Variants in STK11 observed in about 807,000 individuals in gnomAD.
The protein encoded by STK11 is serine/threonine-protein kinase STK11.
Under a neutral mutation model 47.3 loss-of-function variants are expected in STK11, and 8 were observed. The observed-to-expected ratio is 0.17, with a 90% CI of 0.10 to 0.31. STK11 has a LOEUF of 0.31. Among genes scored for constraint, STK11 ranks in the 10% least tolerant of loss-of-function variants. The pLI is 1.00. For synonymous variants in STK11, 330 were observed against 255.8 expected (o/e 1.29, Z -2.77); for missense variants, 475 against 605.0 (o/e 0.79, Z 2.25).
rs1237506971 is a variant in STK11 at position 1,227,797 on chromosome 19, T to C, written c.*221T>C. On this transcript the variant is annotated 3_prime_UTR_variant, in exon 10 of 10. Coordinates refer to ENST00000326873, the MANE Select transcript of STK11 (RefSeq NM_000455.5). Reference sequence around the variant, plus strand: ...CGGCCGCCCGGCAGTGCACGCGGCTTGTTGACTTCGCAGCCCCGGGCGGAG... The same window carrying C: ...CGGCCGCCCGGCAGTGCACGCGGCTCGTTGACTTCGCAGCCCCGGGCGGAG... 2 of 1,072,900 alleles carry C rather than the reference T, an allele frequency of 1.9e-6. No individual in the cohort carries two copies. The highest frequency in any genetic ancestry group is 5.3e-5 in the Admixed American group (1 of 18,778). The allele number at this position is 1,072,900 out of a possible 1,614,324, so 66.5% of individuals were successfully genotyped here.
At position 1,206,913 on chromosome 19, in the gene STK11, C is replaced by G. The variant is rs759284466; in HGVS notation, c.-1C>G. The G allele has an allele frequency of 6.3e-7, 1 of 1,575,206 alleles. No individual in the cohort carries two copies. The highest frequency in any genetic ancestry group is 1.2e-5 in the South Asian group (1 of 86,444). On this transcript the variant is annotated 5_prime_UTR_variant, in exon 1 of 10. Transcript: ENST00000326873. ...CGGGACTCCAGGACCCTGGGTCCAGCATGGAGGTGGTGGACCCGCAGCAGC... is the reference window on the plus strand; with the variant it reads ...CGGGACTCCAGGACCCTGGGTCCAGGATGGAGGTGGTGGACCCGCAGCAGC...
intron 6 of STK11, 127 bp from the exon 7 acceptor site, chr19:1,221,822 C>CG: frequency 9.1e-7 from 1 of 1,093,934 alleles, no homozygotes; most frequent in Non-Finnish European, 1.3e-6. Context: ...CGCCTGTGCG[C>CG]GGGGTCCCCC....
rs907834130 is a variant in STK11, at chr19:1,218,583, CTTCCCGTCTCCTT to C, written c.374+84_374+96del. On this transcript the variant is annotated intron_variant, in intron 2 of 9. Transcript: ENST00000326873. ...TCCGCCTGCCTCGAGGCCTGCTCCT[CTTCCCGTCTCCTT>C]GAAGGAGACTGGCACACGAGGGCCG... 4 of 1,188,890 alleles carry C rather than the reference CTTCCCGTCTCCTT, an allele frequency of 3.4e-6. No individual in the cohort carries two copies. In the African/African-American group the frequency reaches 6.0e-5, roughly 18 times the overall value. 73.6% of individuals were successfully genotyped at this position (1,188,890 alleles called of 1,614,324 possible).
intron 8 of STK11, chr19:1,223,790 T>C: frequency 9.7e-7 from 1 of 1,034,878 alleles, no homozygotes; most frequent in Non-Finnish European, 1.2e-6. Context: ...CGGCCCACAT[T>C]GGCAGCCAGC....
At chr19:1,209,088 T>C (rs541769752) in intron 1 of STK11, among the ~76,000 whole-genome samples, 10 of 151,896 alleles carry the variant, frequency 6.6e-5, no homozygotes, top group Non-Finnish European at 1.2e-4. Context: ...TGGACCCGGG[T>C]AGAAGGTGTG....
intron 1 of STK11, among the ~76,000 whole-genome samples, chr19:1,213,901 C>A (rs1022264903): frequency 6.6e-6 from 1 of 152,232 alleles, no homozygotes; most frequent in Non-Finnish European, 1.5e-5. Flanking sequence ...CCAGGCCCAT[C>A]TCTTCCCTGT....
intron 1 of STK11, among the ~76,000 whole-genome samples, chr19:1,214,209 G>A (rs532216896): frequency 6.6e-6 from 1 of 152,318 alleles, no homozygotes; most frequent in African/African-American, 2.4e-5. Flanking sequence ...GAAGCCTGGC[G>A]ATCTAGAGAA....
chr19:1,208,137 C>T (rs567412425), intron 1 of STK11, among the ~76,000 whole-genome samples: 1 of 152,020 alleles, frequency 6.6e-6, no homozygotes, highest in Non-Finnish European at 1.5e-5. Context: ...GGCTAGGCCT[C>T]GAGGGACTGG....
At chr19:1,217,001 G>A (rs2080749180) in intron 1 of STK11, among the ~76,000 whole-genome samples, 1 of 151,892 alleles carries the variant, frequency 6.6e-6, no homozygotes, top group East Asian at 1.9e-4. Flanking sequence ...CTGTGGAAGG[G>A]CCCCTGGGTG....
intron 1 of STK11, among the ~76,000 whole-genome samples, chr19:1,207,595 C>T (rs1026433374): frequency 3.9e-5 from 6 of 152,192 alleles, no homozygotes; most frequent in African/African-American, 1.4e-4. Flanking sequence ...AGTTTGTGTG[C>T]GGCCGCCAAC....
rs948022241 is a variant in STK11 at position 1,206,795 on chromosome 19, GC to G, written c.-117del. On this transcript the variant is annotated 5_prime_UTR_variant, in exon 1 of 10. Coordinates refer to ENST00000326873, the MANE Select transcript of STK11 (RefSeq NM_000455.5). ...TTCCCTTCCTTTTGGGGTTTTTGTT[GC>G]CTTTTTTTTTTCTTTTTTCTTTGTA... is the stretch of plus-strand genomic sequence containing the variant. 13 of 1,282,312 alleles carry G rather than the reference GC, an allele frequency of 1.0e-5. No individual in the cohort carries two copies. In the South Asian group the frequency reaches 1.7e-4, roughly 17 times the overall value. The allele number at this position is 1,282,312 out of a possible 1,614,324, so 79.4% of individuals were successfully genotyped here. A position where few individuals can be genotyped will look rare whatever the true frequency, so the allele number is the denominator to read the frequency against.
At chr19:1,216,354 G>A (rs1431283004) in intron 1 of STK11, 3 of 172,314 alleles carry the variant, frequency 1.7e-5, no homozygotes, top group Non-Finnish European at 3.8e-5. Context: ...GGCCGGGCGC[G>A]GTGACTCACG....
intron 8 of STK11, 75 bp from the exon 9 acceptor site, chr19:1,226,379 T>C (rs1422653037): frequency 6.4e-7 from 1 of 1,556,732 alleles, no homozygotes; most frequent in Non-Finnish European, 8.7e-7. Flanking sequence ...GTCCCCGTGG[T>C]GGGGGCCAGC....
Position 1,208,400 on chromosome 19 carries a change from C to T in STK11, c.290+1197C>T, listed in dbSNP as rs1978727. Among the ~76,000 whole-genome samples the T allele has an allele frequency of 0.25, 37,148 of 149,850 alleles. 5,690 individuals are homozygous for T. Among genetic ancestry groups the T allele is most frequent in the East Asian group, 0.47 (2,370 of 4,992 alleles). The stretch of plus-strand genomic sequence containing the variant: ...TGGGCTCACTGCAAGCTCCGCCTCC[C>T]GGGTTCATGCCATTCTCCTGCCTCA... On this transcript the variant is annotated intron_variant, in intron 1 of 9. Coordinates refer to ENST00000326873, the MANE Select transcript of STK11 (RefSeq NM_000455.5).
chr19:1,206,553 A>C lies in STK11; in HGVS notation c.-361A>C, dbSNP rs1446936486. On this transcript the variant is annotated 5_prime_UTR_variant, in exon 1 of 10. Transcript: ENST00000326873. ...TGAGGTCCCCGGAGGATGACCTAGC[A>C]CTGAAAAGCCCCGGCCGGCCTCCCC... The C allele has an allele frequency of 2.4e-5, 9 of 382,642 alleles. No individual in the cohort carries two copies. Among genetic ancestry groups the C allele is most frequent in the African/African-American group, 4.1e-5 (2 of 49,118 alleles). 23.7% of individuals were successfully genotyped at this position (382,642 alleles called of 1,614,324 possible). A position where few individuals can be genotyped will look rare whatever the true frequency, so the allele number is the denominator to read the frequency against.
In STK11 at chr19:1,207,222, G is replaced by T. The variant is rs1381768849; in HGVS notation, c.290+19G>T. The T allele has an allele frequency of 6.3e-7, 1 of 1,582,428 alleles. No homozygotes were observed. The highest frequency in any genetic ancestry group is 8.6e-7 in the Non-Finnish European group (1 of 1,164,336). Reference sequence around the variant, plus strand: ...TGAAGAAGTAAGTATGGCTTGCTGGGGTCGGGGCCGGGCCGGGCCAGTCAC... The same window carrying T: ...TGAAGAAGTAAGTATGGCTTGCTGGTGTCGGGGCCGGGCCGGGCCAGTCAC... On this transcript the variant is annotated intron_variant, in intron 1 of 9. Coordinates refer to ENST00000326873, the MANE Select transcript of STK11 (RefSeq NM_000455.5).
chr19:1,226,062 T>C (rs1479457609), intron 8 of STK11: 4 of 1,046,340 alleles, frequency 3.8e-6, no homozygotes, highest in African/African-American at 3.4e-5. Context: ...CAGATGAGCA[T>C]GTGGCGGCTC....
At chr19:1,207,671 G>A (rs2080677540) in intron 1 of STK11, among the ~76,000 whole-genome samples, 1 of 152,218 alleles carries the variant, frequency 6.6e-6, no homozygotes, top group Admixed American at 6.5e-5. Flanking sequence ...TATCCTGTCA[G>A]AGGGGAACCC....
At chr19:1,217,371 T>G (rs1004872456) in intron 1 of STK11, among the ~76,000 whole-genome samples, 2 of 152,118 alleles carry the variant, frequency 1.3e-5, no homozygotes, top group African/African-American at 4.8e-5. Flanking sequence ...GGCTAATTTT[T>G]GTATTTTTAG....
Sources: allele counts gnomAD v4.1 joint callset (sites outside exome capture counted in the v4.1 genomes callset), GRCh38; gene constraint gnomAD v4.1.1; transcripts MANE v1.5; gene names NCBI Gene and HGNC (gene_info 2026-07-23, HGNC 2026-07-21).